Variants in FAM227B observed in about 807,000 individuals in gnomAD.
FAM227B encodes protein FAM227B.
FAM227B carries 88 observed loss-of-function variants against 73.8 expected under a neutral mutation model. The ratio of observed to expected loss-of-function variants is 1.19; its 90% confidence interval spans 1.00 to 1.42. FAM227B has a LOEUF of 1.42. Among genes scored for constraint, FAM227B ranks in the 40% most tolerant of loss-of-function variants. FAM227B has a pLI of 0.00. For synonymous variants in FAM227B, 210 were observed against 190.5 expected (o/e 1.10, Z -0.84); for missense variants, 632 against 590.9 (o/e 1.07, Z -0.72).
intron 11 of FAM227B, among the ~76,000 whole-genome samples, chr15:49,489,800 AT>A (rs1163636823): frequency 1.4e-5 from 1 of 70,902 alleles, no homozygotes; most frequent in South Asian, 4.4e-4. Context: ...ATATATATAT[AT>A]TTTATATATA....
chr15:49,343,885 G>T (rs1214860153), intron 13 of FAM227B: 1 of 152,124 alleles, frequency 6.6e-6, no homozygotes, highest in South Asian at 2.1e-4. Context: ...GTGTCCATAT[G>T]AACTACAGTT....
chr15:49,416,980 A>C (rs1380670579), intron 11 of FAM227B, among the ~76,000 whole-genome samples: 3 of 152,338 alleles, frequency 2.0e-5, no homozygotes, highest in Middle Eastern at 3.4e-3. Flanking sequence ...CAATTTATAC[A>C]TTCAATGCTA....
chr15:49,363,587 CCT>C (rs2151424685), intron 13 of FAM227B, among the ~76,000 whole-genome samples: 1 of 152,246 alleles, frequency 6.6e-6, no homozygotes, highest in African/African-American at 2.4e-5. Context: ...AGTTTAACTT[CCT>C]CTGTTCTTAT....
Position 49,328,297 on chromosome 15 carries a change from G to T in FAM227B, c.*271C>A. ...TATTATATCAAGATATATTTTCAAA[G>T]AAATGGTTGAAAGCTCTCTATGCTT... On this transcript the variant is annotated 3_prime_UTR_variant, in exon 16 of 16. Coordinates refer to ENST00000299338, the MANE Select transcript of FAM227B (RefSeq NM_152647.3). The T allele has an allele frequency of 7.0e-7, 1 of 1,436,672 alleles. No individual in the cohort carries two copies. The highest frequency in any genetic ancestry group is 1.5e-5 in the South Asian group (1 of 64,812). 89.0% of individuals were successfully genotyped at this position (1,436,672 alleles called of 1,614,324 possible). A position where few individuals can be genotyped will look rare whatever the true frequency, so the allele number is the denominator to read the frequency against.
At chr15:49,370,123 C>T (rs1010221683) in intron 12 of FAM227B, among the ~76,000 whole-genome samples, 2 of 152,170 alleles carry the variant, frequency 1.3e-5, no homozygotes, top group East Asian at 3.8e-4. Flanking sequence ...TACTCCAGAA[C>T]TATGAGAAAT....
intron 15 of FAM227B, 25 bp downstream of exon 15, chr15:49,331,755 A>C: frequency 7.1e-7 from 1 of 1,407,146 alleles, no homozygotes; most frequent in Admixed American, 1.7e-5. Context: ...GAGAATTCTC[A>C]ATTATTTTCA....
chr15:49,387,193 A>C (rs368181387), intron 11 of FAM227B, among the ~76,000 whole-genome samples: 3 of 151,894 alleles, frequency 2.0e-5, no homozygotes, highest in African/African-American at 7.2e-5. Context: ...ACAACAAAAA[A>C]AGAAAACTAC....
chr15:49,536,072 C>CAAAAAAAAAAA (rs59203003), intron 10 of FAM227B, among the ~76,000 whole-genome samples: 75 of 113,954 alleles, frequency 6.6e-4, no homozygotes, highest in African/African-American at 1.5e-3. Flanking sequence ...GGCAATCAGA[C>CAAAAAAAAAAA]AAAAAAAAAA....
Position 49,371,169 on chromosome 15 carries a change from A to G in FAM227B, c.1110+133T>C, listed in dbSNP as rs190202177. The G allele has an allele frequency of 5.8e-3, 2,637 of 458,424 alleles. 11 individuals are homozygous for G. Among genetic ancestry groups the G allele is most frequent in the South Asian group, 0.013 (288 of 22,248 alleles). 28.4% of individuals were successfully genotyped at this position (458,424 alleles called of 1,614,324 possible). On this transcript the variant is annotated intron_variant, in intron 12 of 15. Coordinates refer to ENST00000299338, the MANE Select transcript of FAM227B (RefSeq NM_152647.3). Reference sequence around the variant, plus strand: ...TTAAACCTCAAACAAATCTCTTTTGACCATTAAATTCTTTTCCAAAATATA... The same window carrying G: ...TTAAACCTCAAACAAATCTCTTTTGGCCATTAAATTCTTTTCCAAAATATA...
At chr15:49,504,795 C>A (rs72729130) in intron 11 of FAM227B, among the ~76,000 whole-genome samples, 8,298 of 152,190 alleles carry the variant, frequency 0.055, 327 homozygotes, top group East Asian at 0.13. Context: ...AATTGAGCCT[C>A]TTTTTTCCTA....
chr15:49,340,725 A>G (rs2151221276), intron 13 of FAM227B, among the ~76,000 whole-genome samples: 1 of 152,206 alleles, frequency 6.6e-6, no homozygotes, highest in East Asian at 1.9e-4. Context: ...TTTATTGACT[A>G]CGTTGATGTT....
At chr15:49,614,477 C>T (rs1234045491) in intron 2 of FAM227B, among the ~76,000 whole-genome samples, 1 of 152,208 alleles carries the variant, frequency 6.6e-6, no homozygotes, top group Non-Finnish European at 1.5e-5. Flanking sequence ...GCATGTACTT[C>T]TCAGCATAAG....
At chr15:49,330,495 C>T (rs1303216312) in intron 15 of FAM227B, 1 of 152,054 alleles carries the variant, frequency 6.6e-6, no homozygotes, top group Non-Finnish European at 1.5e-5. Context: ...ACTACTTGTC[C>T]AACATTTCTA....
intron 5 of FAM227B, among the ~76,000 whole-genome samples, chr15:49,587,403 C>G (rs1598400862): frequency 6.6e-6 from 1 of 152,002 alleles, no homozygotes; most frequent in East Asian, 1.9e-4. Flanking sequence ...ACCTGGGTGA[C>G]AAAATAATCT....
chr15:49,463,106 C>T (rs921408174), intron 11 of FAM227B, among the ~76,000 whole-genome samples: 9 of 152,202 alleles, frequency 5.9e-5, no homozygotes, highest in Non-Finnish European at 8.8e-5. Flanking sequence ...CCAATCCTGA[C>T]GATTCTTGCC....
intron 11 of FAM227B, among the ~76,000 whole-genome samples, chr15:49,384,252 A>C (rs1596743846): frequency 3.9e-5 from 6 of 152,244 alleles, no homozygotes; most frequent in Admixed American, 3.9e-4. Flanking sequence ...AACTTTGACT[A>C]AGAAACTTGT....
At chr15:49,505,794 T>C (rs1330220743) in intron 11 of FAM227B, among the ~76,000 whole-genome samples, 1 of 151,934 alleles carries the variant, frequency 6.6e-6, no homozygotes, top group Admixed American at 6.6e-5. Flanking sequence ...ATTAATCATA[T>C]CAATAATTAC....
chr15:49,443,942 C>G lies in FAM227B; in HGVS notation c.1012+64269G>C, dbSNP rs898302600. 3.4e-4 allele frequency among the ~76,000 whole-genome samples: 51 copies of G among 151,572 alleles called. 1 individual carries two copies. The highest frequency in any genetic ancestry group is 3.3e-3 in the Admixed American group (50 of 15,170). On this transcript the variant is annotated intron_variant, in intron 11 of 15. Coordinates refer to ENST00000299338, the MANE Select transcript of FAM227B (RefSeq NM_152647.3). Reference sequence around the variant, plus strand: ...CTGAGAGTCAGTTGTTAAACATTTACATCATGCTTCTACATATAATCTATC... The same window carrying G: ...CTGAGAGTCAGTTGTTAAACATTTAGATCATGCTTCTACATATAATCTATC...
chr15:49,572,845 T>C (rs573035587), intron 8 of FAM227B, among the ~76,000 whole-genome samples: 1 of 152,270 alleles, frequency 6.6e-6, no homozygotes, highest in South Asian at 2.1e-4. Flanking sequence ...TTCAATTTGC[T>C]CTTGTGCTAC....
Sources: allele counts gnomAD v4.1 joint callset (sites outside exome capture counted in the v4.1 genomes callset), GRCh38; gene constraint gnomAD v4.1.1; transcripts MANE v1.5; gene names NCBI Gene and HGNC (gene_info 2026-07-23, HGNC 2026-07-21).